DIP2C: variants seen among roughly 807,000 people sequenced by gnomAD.
The protein encoded by DIP2C is DIP2 acetate--CoA ligase C (putative), also known as disco-interacting protein 2 homolog C.
Under a neutral mutation model 192.4 loss-of-function variants are expected in DIP2C, and 33 were observed. The ratio of observed to expected loss-of-function variants is 0.17; its 90% confidence interval spans 0.13 to 0.23. The LOEUF is 0.23. DIP2C is among the 10% of genes least tolerant of loss of function. The pLI is 1.00. For missense variants in DIP2C, 1,537 were observed against 2,110.1 expected (o/e 0.73, Z 5.32); for synonymous variants, 979 against 864.1 (o/e 1.13, Z -2.33).
Position 579,296 on chromosome 10 carries a change from T to C in DIP2C, c.86-92766A>G, listed in dbSNP as rs551457847. Among the ~76,000 whole-genome samples, 9 of 152,020 alleles carry C rather than the reference T, an allele frequency of 5.9e-5. No individual in the cohort carries two copies. In the East Asian group the frequency reaches 1.2e-3, roughly 20 times the overall value. On this transcript the variant is annotated intron_variant, in intron 1 of 36. Transcript: ENST00000280886. Reference sequence around the variant, plus strand: ...CATACACACATCCAGATTCATGTAGTGTACACACATAGGTACACTATAATA... The same window carrying C: ...CATACACACATCCAGATTCATGTAGCGTACACACATAGGTACACTATAATA...
intron 1 of DIP2C, chr10:668,854 G>A (rs1857272780): frequency 6.6e-6 from 1 of 152,164 alleles, no homozygotes; most frequent in Admixed American, 6.5e-5. Flanking sequence ...CAATAATATA[G>A]CATAAACCCT....
At chr10:612,043 C>A (rs1853132055) in intron 1 of DIP2C, among the ~76,000 whole-genome samples, 1 of 152,144 alleles carries the variant, frequency 6.6e-6, no homozygotes, top group African/African-American at 2.4e-5. Context: ...CGCCTGTCAT[C>A]CCAGCACTTT....
chr10:336,910 G>C (rs1957803722), intron 29 of DIP2C, among the ~76,000 whole-genome samples: 1 of 114,292 alleles, frequency 8.7e-6, no homozygotes, highest in Non-Finnish European at 2.2e-5. Flanking sequence ...GTGTGTGTGT[G>C]TGTGTGTGTG....
intron 31 of DIP2C, among the ~76,000 whole-genome samples, chr10:321,632 G>GGGT: frequency 8.3e-6 from 1 of 120,700 alleles, no homozygotes; most frequent in Admixed American, 8.4e-5. Flanking sequence ...GGGGGTGCGG[G>GGGT]GCTCCGGCGA....
intron 7 of DIP2C, among the ~76,000 whole-genome samples, 164 bp downstream of exon 7, chr10:415,605 A>T (rs1965575725): frequency 6.6e-6 from 1 of 152,168 alleles, no homozygotes; most frequent in South Asian, 2.1e-4. Context: ...GCCGACACCA[A>T]GGCTGCCTGG....
chr10:294,063 T>G (rs1955625599), intron 32 of DIP2C, among the ~76,000 whole-genome samples: 1 of 152,228 alleles, frequency 6.6e-6, no homozygotes, highest in African/African-American at 2.4e-5. Flanking sequence ...AATTGTAAAC[T>G]TAACCCTCTC....
At chr10:647,702 C>A (rs11253293) in intron 1 of DIP2C, among the ~76,000 whole-genome samples, 1 of 148,568 alleles carries the variant, frequency 6.7e-6, no homozygotes, top group East Asian at 2.0e-4. Flanking sequence ...ACTGAGCCCA[C>A]GTCCACACTG....
chr10:580,299 A>G (rs1465937990), intron 1 of DIP2C, among the ~76,000 whole-genome samples: 2 of 152,178 alleles, frequency 1.3e-5, no homozygotes, highest in African/African-American at 4.8e-5. Context: ...CAGCATGCGT[A>G]CATTAGTGTG....
intron 1 of DIP2C, among the ~76,000 whole-genome samples, chr10:507,982 T>C (rs1296515635): frequency 6.6e-6 from 1 of 152,220 alleles, no homozygotes; most frequent in Non-Finnish European, 1.5e-5. Flanking sequence ...CATTTGTGCC[T>C]GTCCTGGTCA....
chr10:553,703 AAATAT>A (rs1848697293), intron 1 of DIP2C, among the ~76,000 whole-genome samples: 1 of 152,272 alleles, frequency 6.6e-6, no homozygotes, highest in South Asian at 2.1e-4. Context: ...AACAAGCAAG[AAATAT>A]ACATCATAGG....
intron 32 of DIP2C, among the ~76,000 whole-genome samples, chr10:303,462 T>C (rs1057490241): frequency 1.3e-5 from 2 of 152,262 alleles, no homozygotes; most frequent in African/African-American, 4.8e-5. Flanking sequence ...TAAAACATAT[T>C]GTACAGCTGT....
At chr10:465,637 C>T (rs1970137583) in intron 3 of DIP2C, among the ~76,000 whole-genome samples, 1 of 151,984 alleles carries the variant, frequency 6.6e-6, no homozygotes, top group Non-Finnish European at 1.5e-5. Flanking sequence ...ATCTAGAAAA[C>T]CCCATTGTCT....
At chr10:414,735 G>GTATATATATATATATATATATA (rs1377828086) in intron 7 of DIP2C, among the ~76,000 whole-genome samples, 13 of 53,082 alleles carry the variant, frequency 2.4e-4, no homozygotes, top group East Asian at 2.3e-3. Context: ...GTGTGTGTGT[G>GTATATATATATATATATATATA]TGTGTACATA....
rs1287966804 is a variant in DIP2C, at chr10:689,533, G to A, written c.46C>T (p.Arg16Trp). ...AGCTCCAGCTCGGCCAGGCGCGCCC[G>A]CACCTCCAGGGGCAGCGCCATGCCC... is the stretch of plus-strand genomic sequence containing the variant. ...LEGMALPLEV[R>W]ARLAELELEL... The change falls in exon 1 of 37, where the codon CGG (arginine) becomes TGG (tryptophan). Residue 16 changes from arginine to tryptophan, a missense_variant. Physicochemically the swap from Arg to Trp is moderately radical, Grantham distance 101. Around this residue, in one of 4 missense-constraint regions of DIP2C, gnomAD observed 473 missense variants for 539.6 expected, o/e 0.88. Coordinates refer to ENST00000280886, the MANE Select transcript of DIP2C (RefSeq NM_014974.3). The surrounding 1 kb of genome is among the most constrained non-coding windows in gnomAD (Gnocchi z 6.1). 3.8e-6 allele frequency: 5 copies of A among 1,299,604 alleles called. No individual in the cohort carries two copies. The highest frequency in any genetic ancestry group is 4.0e-6 in the Non-Finnish European group (4 of 1,005,550). The allele number at this position is 1,299,604 out of a possible 1,614,324, so 80.5% of individuals were successfully genotyped here.
chr10:469,408 C>G (rs1970460632), intron 3 of DIP2C, among the ~76,000 whole-genome samples: 2 of 151,792 alleles, frequency 1.3e-5, no homozygotes, highest in Non-Finnish European at 1.5e-5. Flanking sequence ...CCTCCACCTC[C>G]CGGGTTCAAG....
chr10:471,451 A>AG (rs1376135540), intron 3 of DIP2C, among the ~76,000 whole-genome samples: 1 of 152,162 alleles, frequency 6.6e-6, no homozygotes, highest in East Asian at 1.9e-4. Context: ...CTCGAACACC[A>AG]GGTGAGTTCC....
At chr10:616,289 G>A (rs899636932) in intron 1 of DIP2C, among the ~76,000 whole-genome samples, 10 of 152,162 alleles carry the variant, frequency 6.6e-5, no homozygotes, top group East Asian at 1.9e-4. Flanking sequence ...TCCTATTTAC[G>A]TTACAGACAA....
chr10:393,846 C>T (rs1224139809), intron 10 of DIP2C, among the ~76,000 whole-genome samples: 1 of 141,404 alleles, frequency 7.1e-6, no homozygotes, highest in African/African-American at 2.7e-5. Context: ...AAAAACAACC[C>T]ACAAGGAGAC....
At chr10:628,742 A>C (rs1291766467) in intron 1 of DIP2C, 1 of 152,420 alleles carries the variant, frequency 6.6e-6, no homozygotes, top group Non-Finnish European at 1.5e-5. Flanking sequence ...GAAGATGAAG[A>C]GGCAGCAAAG....
Sources: gnomAD v4.1 joint callset for allele counts (sites outside exome capture counted in the v4.1 genomes callset) on GRCh38, gnomAD v4.1.1 for gene constraint, gnomAD v4.1.1 regional missense constraint, Gnocchi (gnomAD v3.1) non-coding constraint, MANE v1.5 for transcripts, NCBI Gene and HGNC (gene_info 2026-07-23, HGNC 2026-07-21) for gene names.